The following MYT1L variants were observed in gnomAD, a reference collection of about 807,000 sequenced individuals.
The protein encoded by MYT1L is myelin transcription factor 1-like protein.
MYT1L carries 12 observed loss-of-function variants against 126.7 expected under a neutral mutation model. The observed-to-expected ratio is 0.09, with a 90% confidence interval of 0.06 to 0.15. MYT1L has a LOEUF of 0.15. MYT1L is among the 10% of genes least tolerant of loss of function. The pLI is 1.00. For missense variants in MYT1L, 979 were observed against 1,585.2 expected, an observed-to-expected ratio of 0.62 and a Z score of 6.49; for synonymous variants, 541 against 604.2, an observed-to-expected ratio of 0.90 and a Z score of 1.53.
chr2:1,993,737 T>C (rs2061613158), intron 5 of MYT1L, among the ~76,000 whole-genome samples: 1 of 152,242 alleles, frequency 6.6e-6, no homozygotes, highest in African/African-American at 2.4e-5. Context: ...AAAGAAAACA[T>C]TCCACGCCCT....
chr2:1,956,575 T>TCTTTCTTTCTAG (rs1553355746), intron 8 of MYT1L, among the ~76,000 whole-genome samples: 1 of 39,892 alleles, frequency 2.5e-5, no homozygotes, highest in Non-Finnish European at 5.8e-5. Flanking sequence ...TATTTCCTAT[T>TCTTTCTTTCTAG]CTATCTATCT....
chr2:1,939,096 C>T (rs1383344356), intron 9 of MYT1L, among the ~76,000 whole-genome samples: 2 of 152,216 alleles, frequency 1.3e-5, no homozygotes, highest in Admixed American at 6.5e-5. Flanking sequence ...GCCAGCATGA[C>T]CTTGTCCCAG....
intron 1 of MYT1L, chr2:2,319,226 G>A (rs1573539181): frequency 6.6e-6 from 1 of 152,116 alleles, no homozygotes; most frequent in African/African-American, 2.4e-5. Flanking sequence ...TGGAAGGTTG[G>A]CCCTCAGTCA....
intron 3 of MYT1L, among the ~76,000 whole-genome samples, chr2:2,107,855 G>A (rs2078939579): frequency 6.6e-6 from 1 of 152,184 alleles, no homozygotes; most frequent in African/African-American, 2.4e-5. Context: ...GCGGGCCGCT[G>A]CTCTGCCTTT....
intron 8 of MYT1L, among the ~76,000 whole-genome samples, chr2:1,949,793 G>A (rs1489650527): frequency 1.3e-5 from 2 of 152,152 alleles, no homozygotes; most frequent in Non-Finnish European, 2.9e-5. Flanking sequence ...AGAGAGCGGG[G>A]CTCGGAACGT....
At chr2:2,098,616 C>T (rs78193210) in intron 3 of MYT1L, among the ~76,000 whole-genome samples, 4,243 of 152,224 alleles carry the variant, frequency 0.028, 82 homozygotes, top group South Asian at 0.088. Context: ...CTGCTAAACG[C>T]CCTGCAGACA....
intron 3 of MYT1L, among the ~76,000 whole-genome samples, chr2:2,170,098 C>T (rs774306127): frequency 9.2e-5 from 14 of 152,184 alleles, no homozygotes; most frequent in Non-Finnish European, 1.5e-4. Flanking sequence ...CTGGGTACCA[C>T]GCTCACGTAT....
Position 2,228,761 on chromosome 2 carries a change from T to C in MYT1L, c.-421+55643A>G, listed in dbSNP as rs1223287607. The stretch of plus-strand genomic sequence containing the variant: ...ACTATTTCATGTTCCCCCAAACACC[T>C]GAAAACTTATGAAAAACTATGTTAT... On this transcript the variant is annotated intron_variant, in intron 2 of 24. Transcript: ENST00000647738. This position sits in a 1 kb window ranked among gnomAD's most constrained non-coding sequence, Gnocchi z 5.9. Among the ~76,000 whole-genome samples, 1 of 152,136 alleles carries C rather than the reference T, an allele frequency of 6.6e-6. No homozygotes were observed. Among genetic ancestry groups the C allele is most frequent in the African/African-American group, 2.4e-5 (1 of 41,428 alleles).
intron 13 of MYT1L, among the ~76,000 whole-genome samples, chr2:1,906,134 C>T (rs530524180): frequency 2.6e-5 from 4 of 152,098 alleles, no homozygotes; most frequent in East Asian, 1.9e-4. Flanking sequence ...TTTAAAAAAT[C>T]GCCTACAGAT....
intron 3 of MYT1L, among the ~76,000 whole-genome samples, chr2:2,054,543 G>A (rs574769775): frequency 1.1e-4 from 16 of 152,050 alleles, no homozygotes; most frequent in East Asian, 9.7e-4. Context: ...GATAAGACAC[G>A]TGGAGATGAG....
chr2:2,141,031 C>G (rs992229349), intron 3 of MYT1L, among the ~76,000 whole-genome samples: 4 of 151,964 alleles, frequency 2.6e-5, no homozygotes, highest in Non-Finnish European at 5.9e-5. Flanking sequence ...ATTCCAATAC[C>G]GCTTGTTTTC....
intron 19 of MYT1L, among the ~76,000 whole-genome samples, chr2:1,847,071 G>A (rs1197209484): frequency 6.6e-6 from 1 of 152,154 alleles, no homozygotes; most frequent in Non-Finnish European, 1.5e-5. Context: ...ACACTGTCTG[G>A]CCGTTTGACT....
chr2:2,322,380 C>T (rs1033030018), intron 1 of MYT1L, among the ~76,000 whole-genome samples: 2 of 151,976 alleles, frequency 1.3e-5, no homozygotes, highest in Non-Finnish European at 2.9e-5. Flanking sequence ...CTTTTCTTTC[C>T]AAAGTTGACA....
At chr2:2,080,456 G>A (rs190418070) in intron 3 of MYT1L, among the ~76,000 whole-genome samples, 2 of 152,236 alleles carry the variant, frequency 1.3e-5, no homozygotes, top group African/African-American at 4.8e-5. Context: ...TGCATAATAT[G>A]CAAATAATCC....
chr2:1,896,473 GTACA>G (rs1338599735), intron 14 of MYT1L, among the ~76,000 whole-genome samples: 1 of 152,166 alleles, frequency 6.6e-6, no homozygotes, highest in Non-Finnish European at 1.5e-5. Flanking sequence ...AGAAAATGCG[GTACA>G]TAGACACTCT....
At chr2:2,327,956 C>T (rs903465875) in intron 1 of MYT1L, among the ~76,000 whole-genome samples, 11 of 152,088 alleles carry the variant, frequency 7.2e-5, no homozygotes, top group African/African-American at 2.2e-4. Flanking sequence ...TAATGTCTCT[C>T]CCTCAAATTA....
intron 10 of MYT1L, among the ~76,000 whole-genome samples, chr2:1,921,623 A>C (rs2053578091): frequency 6.6e-6 from 1 of 152,240 alleles, no homozygotes; most frequent in South Asian, 2.1e-4. Flanking sequence ...GGAATCAGTT[A>C]AAAGGAATGA....
intron 4 of MYT1L, among the ~76,000 whole-genome samples, chr2:2,013,594 G>A (rs2064054577): frequency 6.6e-6 from 1 of 152,246 alleles, no homozygotes; most frequent in Admixed American, 6.5e-5. Flanking sequence ...CTATAACCTC[G>A]GCTGTTGATC....
chr2:2,299,461 G>A (rs1263357853), intron 1 of MYT1L, among the ~76,000 whole-genome samples: 1 of 152,246 alleles, frequency 6.6e-6, no homozygotes, highest in Non-Finnish European at 1.5e-5. Context: ...GGAAGCCTGA[G>A]TGTGCACCAG....
Sources: gnomAD v4.1 joint callset for allele counts (sites outside exome capture counted in the v4.1 genomes callset) on GRCh38, gnomAD v4.1.1 for gene constraint, Gnocchi (gnomAD v3.1) non-coding constraint, MANE v1.5 for transcripts, NCBI Gene and HGNC (gene_info 2026-07-23, HGNC 2026-07-21) for gene names.